Variants in TMEM229B observed in about 807,000 individuals in gnomAD.
TMEM229B encodes chromosome 14 open reading frame 83.
In TMEM229B, 6 loss-of-function variants were observed where a neutral mutation model predicts 13.7. The observed-to-expected ratio is 0.44, with a 90% CI of 0.24 to 0.86. TMEM229B has a LOEUF of 0.86. Ranked by LOEUF, TMEM229B falls within the 40% of genes least tolerant of loss-of-function variation. The probability of loss-of-function intolerance (pLI) is 0.23; values close to 1 mark genes in which losing one functional copy is unlikely to be tolerated. For missense variants in TMEM229B, 170 were observed against 236.0 expected (o/e 0.72, Z 1.83); for synonymous variants, 107 against 102.1 (o/e 1.05, Z -0.29).
chr14:67,525,099 T>A (rs183461638), intron 1 of TMEM229B, among the ~76,000 whole-genome samples: 77 of 152,276 alleles, frequency 5.1e-4, no homozygotes, highest in Admixed American at 1.3e-3. Flanking sequence ...TGATTCATAC[T>A]CCTTGTAAAA....
At chr14:67,527,106 C>G (rs181414336) in intron 1 of TMEM229B, among the ~76,000 whole-genome samples, 1 of 152,294 alleles carries the variant, frequency 6.6e-6, no homozygotes, top group African/African-American at 2.4e-5. Flanking sequence ...TCATTGCAAC[C>G]TTTCAGCCTG....
intron 1 of TMEM229B, among the ~76,000 whole-genome samples, chr14:67,497,654 T>C (rs1023834891): frequency 1.3e-5 from 2 of 152,360 alleles, no homozygotes; most frequent in East Asian, 3.9e-4. Context: ...TGCACGATTT[T>C]AACACATGCT....
rs1335942990 is a variant in TMEM229B, at chr14:67,471,289, T to A, written c.*2131A>T. ...GCTCTGGCTGAGAATTATGGAGGCA[T>A]CAACAAGCTGGCCACTGGACTGAGT... On this transcript the variant is annotated 3_prime_UTR_variant, in exon 3 of 3. Transcript: ENST00000554480. 2 of 151,754 alleles carry A rather than the reference T, an allele frequency of 1.3e-5. No individual in the cohort carries two copies. The highest frequency in any genetic ancestry group is 6.6e-5 in the Admixed American group (1 of 15,224). 9.4% of individuals were successfully genotyped at this position (151,754 alleles called of 1,614,324 possible). A position where few individuals can be genotyped will look rare whatever the true frequency, so the allele number is the denominator to read the frequency against.
chr14:67,505,677 G>T (rs1052800999), intron 1 of TMEM229B, among the ~76,000 whole-genome samples: 1 of 151,868 alleles, frequency 6.6e-6, no homozygotes. Context: ...GGCTGAGGAA[G>T]GAGCAATGAT....
At chr14:67,518,856 C>T (rs888471599), upstream of TMEM229B, among the ~76,000 whole-genome samples, 2 of 151,942 alleles carry the variant, frequency 1.3e-5, no homozygotes, top group Non-Finnish European at 1.5e-5. Context: ...ACCTGCAGCC[C>T]GATCAGAAAG....
chr14:67,497,249 C>T (rs923750682), intron 1 of TMEM229B, among the ~76,000 whole-genome samples: 7 of 152,136 alleles, frequency 4.6e-5, no homozygotes, highest in Non-Finnish European at 8.8e-5. Context: ...AGTGAGCATC[C>T]GTCCCGAGGT....
intron 1 of TMEM229B, among the ~76,000 whole-genome samples, chr14:67,529,163 C>G (rs76125991): frequency 0.03 from 4,498 of 152,248 alleles, 215 homozygotes; most frequent in African/African-American, 0.1. Flanking sequence ...TAATAACTCT[C>G]TAAGGAAGGA....
intron 1 of TMEM229B, among the ~76,000 whole-genome samples, chr14:67,509,827 C>A (rs10150581): frequency 0.011 from 1,745 of 151,984 alleles, 45 homozygotes; most frequent in African/African-American, 0.041. Flanking sequence ...TGCAACATAG[C>A]GAGTTATAAA....
chr14:67,515,535 C>T, upstream of TMEM229B: 1 of 155,482 alleles, frequency 6.4e-6, no homozygotes, highest in Non-Finnish European at 1.4e-5. Context: ...CGCCCGCTCG[C>T]CGGCCCGGCC....
chr14:67,507,379 A>G (rs927906250), intron 1 of TMEM229B, among the ~76,000 whole-genome samples: 1 of 151,998 alleles, frequency 6.6e-6, no homozygotes, highest in Non-Finnish European at 1.5e-5. Flanking sequence ...ACAAAAAAAC[A>G]TCAACCAGAG....
chr14:67,497,314 C>G (rs192588405), intron 1 of TMEM229B, among the ~76,000 whole-genome samples: 2 of 152,074 alleles, frequency 1.3e-5, no homozygotes, highest in African/African-American at 4.8e-5. Context: ...GACCCAGGCA[C>G]GTGGAGTTAA....
intron 1 of TMEM229B, among the ~76,000 whole-genome samples, chr14:67,520,693 CCA>C (rs1265152150): frequency 4.0e-5 from 6 of 151,046 alleles, no homozygotes; most frequent in Non-Finnish European, 1.5e-5. Context: ...TTTGGGCGTA[CCA>C]CAGTTTATTT....
intron 1 of TMEM229B, among the ~76,000 whole-genome samples, chr14:67,502,943 T>C (rs1241795300): frequency 6.6e-6 from 1 of 152,136 alleles, no homozygotes; most frequent in Non-Finnish European, 1.5e-5. Context: ...GGAGACAATA[T>C]GGTAAGCAAA....
intron 1 of TMEM229B, among the ~76,000 whole-genome samples, chr14:67,526,473 A>C (rs2033369419): frequency 6.6e-6 from 1 of 152,240 alleles, no homozygotes; most frequent in South Asian, 2.1e-4. Context: ...TGCCAGATGC[A>C]TGGAACTAAG....
At chr14:67,493,895 A>T (rs1209333315) in intron 1 of TMEM229B, among the ~76,000 whole-genome samples, 2 of 147,352 alleles carry the variant, frequency 1.4e-5, no homozygotes, top group African/African-American at 5.0e-5. Context: ...TTATTTATTT[A>T]AAAATAATTT....
At chr14:67,498,071 G>A (rs560898179) in intron 1 of TMEM229B, among the ~76,000 whole-genome samples, 1 of 152,212 alleles carries the variant, frequency 6.6e-6, no homozygotes, top group Non-Finnish European at 1.5e-5. Context: ...ATCCAGAACC[G>A]CCAAAGAGAA....
At chr14:67,497,810 A>G (rs2032451491) in intron 1 of TMEM229B, among the ~76,000 whole-genome samples, 1 of 151,448 alleles carries the variant, frequency 6.6e-6, no homozygotes, top group African/African-American at 2.4e-5. Context: ...TCACCCACAC[A>G]GTACACCTGT....
At chr14:67,506,915 C>T (rs10140925) in intron 1 of TMEM229B, among the ~76,000 whole-genome samples, 97,053 of 151,884 alleles carry the variant, frequency 0.64, 33,066 homozygotes, top group Non-Finnish European at 0.77. Context: ...ACACAGGAGG[C>T]AAAGGTTGCA....
intron 2 of TMEM229B, among the ~76,000 whole-genome samples, chr14:67,477,936 A>G (rs1205393248): frequency 6.6e-6 from 1 of 152,146 alleles, no homozygotes; most frequent in Non-Finnish European, 1.5e-5. Context: ...AGTTCCTGAG[A>G]GTGAGGGCCT....
Sources: allele counts gnomAD v4.1 joint callset (sites outside exome capture counted in the v4.1 genomes callset), GRCh38; gene constraint gnomAD v4.1.1; transcripts MANE v1.5; gene names NCBI Gene and HGNC (gene_info 2026-07-23, HGNC 2026-07-21).